Variants in DRC2 observed in about 807,000 individuals in gnomAD.
The protein encoded by DRC2 is dynein regulatory complex subunit 2.
chr12:48,904,580 G>C, the DRC2 span: 7 of 1,412,394 alleles, frequency 5.0e-6, no homozygotes, highest in Non-Finnish European at 6.7e-6. Context: ...GAAATCCTGA[G>C]ACCCAGATAT....
chr12:48,911,989 G>T, the DRC2 span, among the ~76,000 whole-genome samples: 1 of 151,986 alleles, frequency 6.6e-6, no homozygotes, highest in South Asian at 2.1e-4. Flanking sequence ...GCTGGGCACG[G>T]TGGCTCACAC....
chr12:48,911,376 T>A, the DRC2 span, among the ~76,000 whole-genome samples: 1 of 151,710 alleles, frequency 6.6e-6, no homozygotes, highest in Admixed American at 6.6e-5. Context: ...CTGGGCAACA[T>A]GGCAAAAACC....
At chr12:48,914,071 G>C in the DRC2 span, among the ~76,000 whole-genome samples, 153 of 151,672 alleles carry the variant, frequency 1.0e-3, 1 homozygote, top group African/African-American at 3.6e-3. Context: ...CTGGGATTAC[G>C]GCCTGGGTAA....
chr12:48,915,361 G>C, the DRC2 span, among the ~76,000 whole-genome samples: 4 of 143,908 alleles, frequency 2.8e-5, no homozygotes, highest in South Asian at 9.6e-4. Context: ...AGCACATCTT[G>C]CACCGCCCTT....
the DRC2 span, among the ~76,000 whole-genome samples, chr12:48,915,400 A>C: frequency 6.9e-6 from 1 of 144,486 alleles, no homozygotes; most frequent in African/African-American, 2.5e-5. Context: ...TGGACACAGC[A>C]CATGTTTCAG....
the DRC2 span, among the ~76,000 whole-genome samples, chr12:48,912,561 T>C: frequency 1.0e-3 from 151 of 151,612 alleles, 1 homozygote; most frequent in African/African-American, 3.5e-3. Context: ...ACTGCCAGGC[T>C]AGCCAAGGGT....
At chr12:48,909,314 T>C in the DRC2 span, among the ~76,000 whole-genome samples, 1 of 151,714 alleles carries the variant, frequency 6.6e-6, no homozygotes, top group African/African-American at 2.4e-5. Context: ...AAGTGCTGGG[T>C]ATTACAGGTG....
the DRC2 span, among the ~76,000 whole-genome samples, chr12:48,908,139 G>A: frequency 1.3e-5 from 2 of 152,086 alleles, no homozygotes; most frequent in African/African-American, 4.8e-5. Context: ...ACAAGGTCTC[G>A]CTGTGTTGCC....
chr12:48,911,548 C>A, the DRC2 span, among the ~76,000 whole-genome samples: 15 of 151,678 alleles, frequency 9.9e-5, no homozygotes, highest in Admixed American at 6.6e-5. Context: ...CAGGACAAGA[C>A]CCTGACTCAA....
At chr12:48,916,233 G>A in the DRC2 span, among the ~76,000 whole-genome samples, 1 of 151,996 alleles carries the variant, frequency 6.6e-6, no homozygotes, top group Non-Finnish European at 1.5e-5. Flanking sequence ...CGGCACTTCG[G>A]GAGGCCAAGG....
the DRC2 span, chr12:48,919,036 A>G: frequency 6.4e-6 from 4 of 620,564 alleles, no homozygotes; most frequent in Non-Finnish European, 1.1e-5. Flanking sequence ...TACCTTTTTT[A>G]TTCCATGTTT....
chr12:48,916,473 G>A, the DRC2 span, among the ~76,000 whole-genome samples: 8 of 151,596 alleles, frequency 5.3e-5, no homozygotes, highest in Non-Finnish European at 1.0e-4. Context: ...GGAGGCGCGC[G>A]CCTGCAATCG....
chr12:48,918,985 G>A, the DRC2 span: 4 of 1,109,222 alleles, frequency 3.6e-6, no homozygotes, highest in East Asian at 4.9e-5. Context: ...AAAGGATAGC[G>A]GGGGCTTCTT....
the DRC2 span, among the ~76,000 whole-genome samples, chr12:48,920,441 TAAAAAAAAA>T: frequency 1.5e-4 from 10 of 67,816 alleles, no homozygotes; most frequent in East Asian, 4.7e-4. Flanking sequence ...AACTCCATCT[TAAAAAAAAA>T]AAAAAAAAAA....
At chr12:48,904,802 G>A in the DRC2 span, 1 of 668,272 alleles carries the variant, frequency 1.5e-6, no homozygotes, top group Non-Finnish European at 2.4e-6. Flanking sequence ...CACCCTGAAG[G>A]AAATTCACCC....
the DRC2 span, among the ~76,000 whole-genome samples, chr12:48,912,212 G>C: frequency 1.8e-4 from 28 of 152,060 alleles, no homozygotes; most frequent in East Asian, 5.4e-3. Flanking sequence ...AATGAGCCAA[G>C]ATCGCACCAC....
At chr12:48,918,863 G>A in the DRC2 span, 2 of 1,613,974 alleles carry the variant, frequency 1.2e-6, no homozygotes, top group African/African-American at 2.7e-5. Flanking sequence ...ACCCTGGAAA[G>A]TAATGCCACC....
the DRC2 span, among the ~76,000 whole-genome samples, chr12:48,914,062 T>A: frequency 6.6e-6 from 1 of 151,632 alleles, no homozygotes; most frequent in East Asian, 1.9e-4. Context: ...TGTGAGTAGC[T>A]GGGATTACGG....
At chr12:48,916,493 G>A in the DRC2 span, among the ~76,000 whole-genome samples, 12 of 151,168 alleles carry the variant, frequency 7.9e-5, no homozygotes, top group Admixed American at 5.9e-4. Flanking sequence ...GCAGGCACTC[G>A]GCAGGCTGAG....
Sources: gnomAD v4.1 joint callset for allele counts (sites outside exome capture counted in the v4.1 genomes callset) on GRCh38, gnomAD v4.1.1 for gene constraint, MANE v1.5 for transcripts, NCBI Gene and HGNC (gene_info 2026-07-23, HGNC 2026-07-21) for gene names.